Variants in TC2N observed in about 807,000 individuals in gnomAD.
The protein encoded by TC2N is tandem C2 domains, nuclear.
TC2N carries 51 observed loss-of-function variants against 61.9 expected under a neutral mutation model. That is an observed-to-expected ratio of 0.82 (90% CI 0.66 to 1.04). The LOEUF is 1.04. Among genes scored for constraint, TC2N ranks in the 50% least tolerant of loss-of-function variants. The pLI is 0.00. For synonymous variants in TC2N, 204 were observed against 192.6 expected, an observed-to-expected ratio of 1.06 and a Z score of -0.49; for missense variants, 556 against 566.7, an observed-to-expected ratio of 0.98 and a Z score of 0.19.
At chr14:91,794,610 G>A (rs1346117116) in intron 8 of TC2N, among the ~76,000 whole-genome samples, 1 of 151,932 alleles carries the variant, frequency 6.6e-6, no homozygotes, top group African/African-American at 2.4e-5. Flanking sequence ...TCTGTTTACA[G>A]CATGGTTTAC....
rs753716612 is a variant in TC2N at position 91,812,514 on chromosome 14, G to A, written c.99C>T (p.Val33=). 2 of 1,592,776 alleles carry A rather than the reference G, an allele frequency of 1.3e-6. No individual in the cohort carries two copies. Among genetic ancestry groups the A allele is most frequent in the Non-Finnish European group, 8.6e-7 (1 of 1,165,784 alleles). Reference sequence around the variant, plus strand: ...AGATAGTAGCATTTTGACTATTTGGGACTGCTGCTTTAAAATCTCTTTCCA... The same window carrying A: ...AGATAGTAGCATTTTGACTATTTGGAACTGCTGCTTTAAAATCTCTTTCCA... ...FSVERDFKAA[V]PNSQNATISV... Residue 33 remains valine, a synonymous_variant, in exon 3 of 12, where the codon GTC becomes GTT. Coordinates refer to ENST00000435962, the MANE Select transcript of TC2N (RefSeq NM_001128596.3).
rs1219162835 is a variant in TC2N, at chr14:91,782,309, C to T, written c.*791G>A. On this transcript the variant is annotated 3_prime_UTR_variant, in exon 12 of 12. Transcript: ENST00000435962. ...AAATACTGAATTTTCTATTTAAGCT[C>T]ATTTAATTCTGTGAATTAGGATGGA... 1 of 151,908 alleles carries T rather than the reference C, an allele frequency of 6.6e-6. No individual in the cohort carries two copies. Among genetic ancestry groups the T allele is most frequent in the South Asian group, 2.1e-4 (1 of 4,828 alleles). The allele number at this position is 151,908 out of a possible 1,614,324, so 9.4% of individuals were successfully genotyped here.
intron 1 of TC2N, among the ~76,000 whole-genome samples, chr14:91,815,502 CT>C (rs2139868552): frequency 6.6e-6 from 1 of 151,752 alleles, no homozygotes; most frequent in African/African-American, 2.4e-5. Flanking sequence ...TGTATAAGAA[CT>C]TCATGTCCAA....
intron 1 of TC2N, among the ~76,000 whole-genome samples, chr14:91,833,377 T>C (rs1023793045): frequency 3.3e-5 from 5 of 152,190 alleles, no homozygotes; most frequent in Non-Finnish European, 5.9e-5. Context: ...GAGGTAAATA[T>C]ACTTAAATGA....
chr14:91,797,711 T>C, intron 8 of TC2N, 74 bp downstream of exon 8: 1 of 978,416 alleles, frequency 1.0e-6, no homozygotes, highest in East Asian at 2.5e-5. Flanking sequence ...TTCTGACTTG[T>C]TTACATGGGT....
Position 91,853,959 on chromosome 14 carries a change from C to A in TC2N, c.-57+13303G>T, listed in dbSNP as rs561303633. 6.6e-5 allele frequency among the ~76,000 whole-genome samples: 10 copies of A among 151,758 alleles called. No individual in the cohort carries two copies. The East Asian group carries it at 1.9e-3, about 29-fold the overall frequency. On this transcript the variant is annotated intron_variant, in intron 1 of 11. Transcript: ENST00000435962. The stretch of plus-strand genomic sequence containing the variant: ...CTGAGTTTCAAAATATTCGTGTAAC[C>A]TAGTAAGAATATTTCTCTGAATCCA...
chr14:91,795,883 A>G (rs1885872939), intron 8 of TC2N, among the ~76,000 whole-genome samples: 1 of 152,082 alleles, frequency 6.6e-6, no homozygotes, highest in Admixed American at 6.5e-5. Flanking sequence ...TTTCTTTTAG[A>G]GTCTCAAGTC....
At chr14:91,809,485 T>C (rs1388715527) in intron 3 of TC2N, among the ~76,000 whole-genome samples, 1 of 152,014 alleles carries the variant, frequency 6.6e-6, no homozygotes, top group Admixed American at 6.5e-5. Context: ...CAATAAACTC[T>C]AGACCAAAAC....
chr14:91,847,910 T>C (rs1888300870), intron 1 of TC2N, among the ~76,000 whole-genome samples: 1 of 152,218 alleles, frequency 6.6e-6, no homozygotes, highest in East Asian at 1.9e-4. Context: ...CCTTCCCTTT[T>C]CTCTGTTCTG....
chr14:91,810,688 G>A (rs1886723302), intron 3 of TC2N, among the ~76,000 whole-genome samples: 2 of 151,868 alleles, frequency 1.3e-5, no homozygotes, highest in Non-Finnish European at 2.9e-5. Flanking sequence ...ATAAGAAATT[G>A]CAGTAGAGGA....
At chr14:91,825,617 A>T (rs1368849904) in intron 1 of TC2N, among the ~76,000 whole-genome samples, 1 of 152,128 alleles carries the variant, frequency 6.6e-6, no homozygotes, top group Non-Finnish European at 1.5e-5. Context: ...TAACTACCTG[A>T]TGTGCTAGAA....
intron 1 of TC2N, among the ~76,000 whole-genome samples, chr14:91,863,577 T>C (rs1026893504): frequency 5.3e-5 from 8 of 152,054 alleles, no homozygotes; most frequent in Admixed American, 4.6e-4. Context: ...ATTTTTTGAT[T>C]TGCAATTGGT....
chr14:91,824,238 C>T (rs1163079597), intron 1 of TC2N, among the ~76,000 whole-genome samples: 1 of 152,184 alleles, frequency 6.6e-6, no homozygotes, highest in African/African-American at 2.4e-5. Context: ...AGGTAAATGT[C>T]TGAAAAAGCA....
chr14:91,811,761 A>AT (rs1886778992), intron 3 of TC2N, among the ~76,000 whole-genome samples: 2 of 151,930 alleles, frequency 1.3e-5, no homozygotes. Context: ...TATGTGGGGG[A>AT]TTGGTTCCAG....
At chr14:91,797,366 A>G (rs527902840) in intron 8 of TC2N, among the ~76,000 whole-genome samples, 1 of 152,172 alleles carries the variant, frequency 6.6e-6, no homozygotes, top group South Asian at 2.1e-4. Context: ...TTAATGTAAA[A>G]TCTAGGATCT....
intron 1 of TC2N, among the ~76,000 whole-genome samples, chr14:91,847,182 C>T (rs1177576752): frequency 6.6e-6 from 1 of 151,172 alleles, no homozygotes; most frequent in Non-Finnish European, 1.5e-5. Context: ...TGCTTGAACC[C>T]GGGAGGCAGA....
chr14:91,813,173 G>A (rs1886856371), intron 2 of TC2N, among the ~76,000 whole-genome samples: 1 of 151,748 alleles, frequency 6.6e-6, no homozygotes. Flanking sequence ...AGAGATAAGG[G>A]AGCCATGCAA....
At chr14:91,862,339 CA>C (rs56816512) in intron 1 of TC2N, among the ~76,000 whole-genome samples, 88 of 106,494 alleles carry the variant, frequency 8.3e-4, no homozygotes, top group East Asian at 6.0e-3. Context: ...GACTCTGTCT[CA>C]AAAAAAAAAA....
chr14:91,820,452 C>G (rs561185273), intron 1 of TC2N, among the ~76,000 whole-genome samples: 2 of 151,638 alleles, frequency 1.3e-5, no homozygotes, highest in Non-Finnish European at 1.5e-5. Flanking sequence ...AGAAGAGAAT[C>G]TTTCAACATA....
Sources: allele counts gnomAD v4.1 joint callset (sites outside exome capture counted in the v4.1 genomes callset), GRCh38; gene constraint gnomAD v4.1.1; transcripts MANE v1.5; gene names NCBI Gene and HGNC (gene_info 2026-07-23, HGNC 2026-07-21).